Variants in CNTNAP3 observed in about 807,000 individuals in gnomAD.
The protein encoded by CNTNAP3 is contactin-associated protein-like 3.
CNTNAP3 carries 36 observed loss-of-function variants against 92.1 expected under a neutral mutation model. The ratio of observed to expected loss-of-function variants is 0.39; its 90% CI spans 0.30 to 0.52. The LOEUF (loss-of-function observed/expected upper bound fraction) is 0.52, where lower values mean the gene tolerates loss of function less well. CNTNAP3 is among the 20% of genes least tolerant of loss of function. The probability of loss-of-function intolerance (pLI) is 0.76; values close to 1 mark genes in which losing one functional copy is unlikely to be tolerated. For missense variants in CNTNAP3, 534 were observed against 1,069.6 expected, an observed-to-expected ratio of 0.50 and a Z score of 6.98; for synonymous variants, 232 against 422.3, an observed-to-expected ratio of 0.55 and a Z score of 5.53.
intron 21 of CNTNAP3, among the ~76,000 whole-genome samples, chr9:39,082,034 C>T (rs1383956512): frequency 2.9e-3 from 402 of 136,634 alleles, no homozygotes; most frequent in East Asian, 4.3e-3. Context: ...TTGCAGTGAG[C>T]CGAGTTCACG....
At chr9:39,089,104 C>T (rs1826133557) in intron 18 of CNTNAP3, among the ~76,000 whole-genome samples, 1 of 152,062 alleles carries the variant, frequency 6.6e-6, no homozygotes, top group Admixed American at 6.6e-5. Context: ...CAGGCATGTG[C>T]AAACATTGCC....
At position 39,253,012 on chromosome 9, in the gene CNTNAP3, T is replaced by TACAC. The variant is rs1202128434; in HGVS notation, c.197-13827_197-13826insGTGT. ...ATATGTATATATTCCTGCAACTGAA[T>TACAC]ATACACACACACACACACACACACA... On this transcript the variant is annotated intron_variant, in intron 2 of 23. Transcript: ENST00000297668. 8.6e-4 allele frequency among the ~76,000 whole-genome samples: 3 copies of TACAC among 3,492 alleles called. 1 individual carries two copies. The highest frequency in any genetic ancestry group is 9.2e-4 in the African/African-American group (3 of 3,266). 2.3% of individuals were successfully genotyped at this position (3,492 alleles called of 152,430 possible).
intron 16 of CNTNAP3, 102 bp downstream of exon 16, chr9:39,103,642 T>G (rs1826522352): frequency 7.6e-7 from 1 of 1,313,552 alleles, no homozygotes; most frequent in Non-Finnish European, 1.0e-6. Flanking sequence ...TATAATGAAA[T>G]AGAATCACAA....
In CNTNAP3 at chr9:39,077,385, C is replaced by T. The variant is rs865834545; in HGVS notation, c.3745+1000G>A. Among the ~76,000 whole-genome samples the T allele has an allele frequency of 1.3e-3, 194 of 151,912 alleles. 1 individual carries two copies. The highest frequency in any genetic ancestry group is 6.7e-3 in the South Asian group (32 of 4,802). On this transcript the variant is annotated intron_variant, in intron 23 of 23. Coordinates refer to ENST00000297668, the MANE Select transcript of CNTNAP3 (RefSeq NM_033655.5). Reference sequence around the variant, plus strand: ...CATCCTGGCTAACAGGGTGAAACCCCGCCTCTACTAAAAATACAAAAAATA... The same window carrying T: ...CATCCTGGCTAACAGGGTGAAACCCTGCCTCTACTAAAAATACAAAAAATA...
In CNTNAP3 at chr9:39,178,853, ACATAT is replaced by A. The variant is rs754714825; in HGVS notation, c.539-498_539-494del. Among the ~76,000 whole-genome samples, 4 of 144,676 alleles carry A rather than the reference ACATAT, an allele frequency of 2.8e-5. No individual in the cohort carries two copies. In the South Asian group the frequency reaches 8.9e-4, roughly 32 times the overall value. 94.9% of individuals were successfully genotyped at this position (144,676 alleles called of 152,430 possible). ...ATTTTGTCTGTAAAGATACAGAAACACATATCATACTTATTAAATACTGCTTTAGA... is the reference window on the plus strand; with the variant it reads ...ATTTTGTCTGTAAAGATACAGAAACACATACTTATTAAATACTGCTTTAGA... On this transcript the variant is annotated intron_variant, in intron 4 of 23. Coordinates refer to ENST00000297668, the MANE Select transcript of CNTNAP3 (RefSeq NM_033655.5).
At chr9:39,144,930 A>G (rs1489398499) in intron 10 of CNTNAP3, among the ~76,000 whole-genome samples, 5 of 151,770 alleles carry the variant, frequency 3.3e-5, no homozygotes, top group Non-Finnish European at 7.4e-5. Flanking sequence ...CCACAAATTC[A>G]ATACAATTCT....
At position 39,068,159 on chromosome 9, in the gene CNTNAP3, G is replaced by C. The variant is rs1190023532; in HGVS notation, c.*5731C>G. On this transcript the variant is annotated 3_prime_UTR_variant, in exon 24 of 24. Coordinates refer to ENST00000297668, the MANE Select transcript of CNTNAP3 (RefSeq NM_033655.5). ...TTACGCCTGTGATACCAGCGCTTTA[G>C]GAGGCTGAGGTGGGCAGATCATGAG... 3.9e-5 allele frequency among the ~76,000 whole-genome samples: 6 copies of C among 152,276 alleles called. No individual in the cohort carries two copies. Among genetic ancestry groups the C allele is most frequent in the Non-Finnish European group, 8.8e-5 (6 of 68,030 alleles).
In CNTNAP3 at chr9:39,132,946, C is replaced by G; in HGVS notation, c.2066G>C (p.Arg689Pro). The change falls in exon 13 of 24, where the codon CGC (arginine) becomes CCC (proline). Residue 689 changes from arginine to proline, a missense_variant. Arg to Pro is a moderately radical substitution (Grantham distance 103, BLOSUM62 -2). Transcript: ENST00000297668. ...GTGGCGCTTACCTCGTGAGTCCGGG[C>G]GCCGCGCCGTCCCGCAGCGCAGAGC... ...RLALRCGTAR[R>P]PDSRDGTPLS... 1.9e-6 allele frequency: 3 copies of G among 1,545,610 alleles called. No homozygotes were observed. The highest frequency in any genetic ancestry group is 2.6e-6 in the Non-Finnish European group (3 of 1,155,776).
intron 13 of CNTNAP3, among the ~76,000 whole-genome samples, chr9:39,120,400 T>C (rs576640888): frequency 4.6e-5 from 7 of 152,208 alleles, no homozygotes; most frequent in South Asian, 4.1e-4. Context: ...TTAGGCCGGG[T>C]GCGGTGGCTC....
In CNTNAP3 at chr9:39,068,072, A is replaced by G. The variant is rs1171775652; in HGVS notation, c.*5818T>C. Among the ~76,000 whole-genome samples the G allele has an allele frequency of 1.3e-5, 2 of 152,304 alleles. No homozygotes were observed. The highest frequency in any genetic ancestry group is 2.9e-5 in the Non-Finnish European group (2 of 68,050). ...TTTTGTGTAAAGCCCAGATATACGTATAGTACTAAAGAGATATGCAGTGCA... is the reference window on the plus strand; with the variant it reads ...TTTTGTGTAAAGCCCAGATATACGTGTAGTACTAAAGAGATATGCAGTGCA... On this transcript the variant is annotated 3_prime_UTR_variant, in exon 24 of 24. Transcript: ENST00000297668.
chr9:39,179,352 C>T (rs1822408301), intron 4 of CNTNAP3, among the ~76,000 whole-genome samples: 1 of 112,718 alleles, frequency 8.9e-6, no homozygotes. Flanking sequence ...GGCACACAGA[C>T]ATCCTATTGG....
chr9:39,149,954 A>C lies in CNTNAP3; in HGVS notation c.1501T>G (p.Ser501Ala). The change falls in exon 10 of 24, where the codon TCT (serine) becomes GCT (alanine). Residue 501 changes from serine to alanine, a missense_variant. Coordinates refer to ENST00000297668, the MANE Select transcript of CNTNAP3 (RefSeq NM_033655.5). ...FGGCLDNSSGSGCKSPLGGFQ... is the reference protein window; with the variant it reads ...FGGCLDNSSGAGCKSPLGGFQ... ...CCTCCCAGGGGGCTTTTACATCCAGAGCCAGAGCTGTTGTCCAGGCAGCCT... is the reference window on the plus strand; with the variant it reads ...CCTCCCAGGGGGCTTTTACATCCAGCGCCAGAGCTGTTGTCCAGGCAGCCT... The C allele has an allele frequency of 6.2e-7, 1 of 1,611,904 alleles. No individual in the cohort carries two copies. The highest frequency in any genetic ancestry group is 2.2e-5 in the East Asian group (1 of 44,884).
In CNTNAP3 at chr9:39,126,365, A is replaced by G. The variant is rs1821153850; in HGVS notation, c.2080+6567T>C. On this transcript the variant is annotated intron_variant, in intron 13 of 23. Transcript: ENST00000297668. ...GATGATTCACTGGTGAGTTCTATCA[A>G]CACTGGAGAAATAAATGATACCAAT... Among the ~76,000 whole-genome samples, 7 of 152,322 alleles carry G rather than the reference A, an allele frequency of 4.6e-5. No homozygotes were observed. In the South Asian group the frequency reaches 1.5e-3, roughly 32 times the overall value.
intron 13 of CNTNAP3, among the ~76,000 whole-genome samples, chr9:39,125,446 A>G (rs751414187): frequency 3.5e-4 from 53 of 152,274 alleles, no homozygotes; most frequent in Non-Finnish European, 6.2e-4. Flanking sequence ...AACATGGCAC[A>G]TGGATACATA....
At chr9:39,093,527 A>G (rs1826259143) in intron 18 of CNTNAP3, among the ~76,000 whole-genome samples, 1 of 151,066 alleles carries the variant, frequency 6.6e-6, no homozygotes, top group Non-Finnish European at 1.5e-5. Flanking sequence ...ATAACTCTCC[A>G]TTGCCCCCTC....
chr9:39,130,495 C>CTT (rs58074019), intron 13 of CNTNAP3, among the ~76,000 whole-genome samples: 530 of 111,050 alleles, frequency 4.8e-3, no homozygotes, highest in African/African-American at 5.8e-3. Flanking sequence ...AGGAGGAATT[C>CTT]TTTTTTTTTT....
At chr9:39,077,575 C>CAAAG in intron 23 of CNTNAP3, among the ~76,000 whole-genome samples, 1 of 150,218 alleles carries the variant, frequency 6.7e-6, no homozygotes, top group East Asian at 2.0e-4. Flanking sequence ...AACAAACAAA[C>CAAAG]AAACAAACAA....
intron 18 of CNTNAP3, among the ~76,000 whole-genome samples, chr9:39,095,284 A>G (rs1257744035): frequency 6.6e-6 from 1 of 151,746 alleles, no homozygotes; most frequent in Non-Finnish European, 1.5e-5. Context: ...AGAGAGAGAT[A>G]GCCCTTCTAT....
rs1440049747 is a variant in CNTNAP3, at chr9:39,066,890, T to C, written c.*7000A>G. ...TTGAGCTGGGTCTGTGGGTTTATAG[T>C]TTGCATCAAATGTGGAAAATGCTTA... On this transcript the variant is annotated 3_prime_UTR_variant, in exon 24 of 24. Coordinates refer to ENST00000297668, the MANE Select transcript of CNTNAP3 (RefSeq NM_033655.5). Among the ~76,000 whole-genome samples the C allele has an allele frequency of 2.0e-5, 3 of 152,260 alleles. No homozygotes were observed. The highest frequency in any genetic ancestry group is 6.5e-5 in the Admixed American group (1 of 15,290).
Sources: allele counts gnomAD v4.1 joint callset (sites outside exome capture counted in the v4.1 genomes callset), GRCh38; gene constraint gnomAD v4.1.1; transcripts MANE v1.5; gene names NCBI Gene and HGNC (gene_info 2026-07-23, HGNC 2026-07-21).